Variants in BMPR1B observed in about 807,000 individuals in gnomAD.
The protein encoded by BMPR1B is bone morphogenetic protein receptor type 1B.
BMPR1B carries 12 observed loss-of-function variants against 59.1 expected under a neutral mutation model. That is an observed-to-expected ratio of 0.20 (90% CI 0.13 to 0.33). The LOEUF (loss-of-function observed/expected upper bound fraction) is 0.33. Ranked by LOEUF, BMPR1B falls within the 10% of genes least tolerant of loss-of-function variation. The pLI, the probability that BMPR1B is intolerant of heterozygous loss-of-function variation, is 1.00. For missense variants in BMPR1B, 550 were observed against 610.9 expected, an observed-to-expected ratio of 0.90 and a Z score of 1.05; for synonymous variants, 237 against 207.3, an observed-to-expected ratio of 1.14 and a Z score of -1.23.
chr4:95,045,190 C>G (rs1427364986), intron 3 of BMPR1B, among the ~76,000 whole-genome samples: 1 of 152,038 alleles, frequency 6.6e-6, no homozygotes, highest in African/African-American at 2.4e-5. Context: ...TAACACTCAC[C>G]TTATTGTTCT....
chr4:94,769,294 G>C (rs945625694), intron 1 of BMPR1B, among the ~76,000 whole-genome samples: 1 of 152,214 alleles, frequency 6.6e-6, no homozygotes, highest in Non-Finnish European at 1.5e-5. Flanking sequence ...ATCTAGTCCT[G>C]CTCTAAAGAG....
At position 95,156,639 on chromosome 4, in the gene BMPR1B, G is replaced by A. The variant is rs752977059; in HGVS notation, c.*1966G>A. 5.3e-5 allele frequency: 8 copies of A among 150,714 alleles called. No individual in the cohort carries two copies. Among genetic ancestry groups the A allele is most frequent in the South Asian group, 2.1e-4 (1 of 4,754 alleles). 9.3% of individuals were successfully genotyped at this position (150,714 alleles called of 1,614,324 possible). ...TTTGTAACTAAGACAGAAGAATTTCGTAATCCTTGAAATTGAAAAAAAAAA... is the reference window on the plus strand; with the variant it reads ...TTTGTAACTAAGACAGAAGAATTTCATAATCCTTGAAATTGAAAAAAAAAA... On this transcript the variant is annotated 3_prime_UTR_variant, in exon 13 of 13. Coordinates refer to ENST00000515059, the MANE Select transcript of BMPR1B (RefSeq NM_001203.3).
chr4:94,945,760 A>T (rs949930750), intron 2 of BMPR1B, among the ~76,000 whole-genome samples: 6 of 152,226 alleles, frequency 3.9e-5, no homozygotes, highest in Admixed American at 1.3e-4. Context: ...CATATAAGTT[A>T]TATTTTTGTG....
chr4:94,891,837 T>G (rs1560534580), intron 2 of BMPR1B, among the ~76,000 whole-genome samples: 1 of 152,078 alleles, frequency 6.6e-6, no homozygotes, highest in African/African-American at 2.4e-5. Context: ...TTTGCCTGTT[T>G]GTTTATTCAT....
chr4:94,865,515 C>T (rs1182703895), intron 1 of BMPR1B, among the ~76,000 whole-genome samples: 1 of 152,040 alleles, frequency 6.6e-6, no homozygotes, highest in African/African-American at 2.4e-5. Context: ...CTCAGCCTCC[C>T]GAGTAGCTGG....
Position 94,856,904 on chromosome 4 carries a change from A to G in BMPR1B, c.-182-18927A>G, listed in dbSNP as rs371344411. Among the ~76,000 whole-genome samples, 7 of 152,376 alleles carry G rather than the reference A, an allele frequency of 4.6e-5. No individual in the cohort carries two copies. In the South Asian group the frequency reaches 1.0e-3, roughly 23 times the overall value. ...TTTAGCATAACAGAAGGTAGAAGATATGATATTTATGAAACTTCAGCAAAG... is the reference window on the plus strand; with the variant it reads ...TTTAGCATAACAGAAGGTAGAAGATGTGATATTTATGAAACTTCAGCAAAG... On this transcript the variant is annotated intron_variant, in intron 1 of 12. Transcript: ENST00000515059.
At chr4:94,796,729 T>C (rs1026533581) in intron 1 of BMPR1B, among the ~76,000 whole-genome samples, 7 of 152,170 alleles carry the variant, frequency 4.6e-5, no homozygotes, top group African/African-American at 1.2e-4. Context: ...TTGCTGAGCT[T>C]CCTCAAGTTT....
intron 3 of BMPR1B, among the ~76,000 whole-genome samples, chr4:94,998,375 C>CT (rs11327811): frequency 1.7e-4 from 24 of 138,060 alleles, no homozygotes; most frequent in African/African-American, 5.2e-4. Flanking sequence ...TACACTACTC[C>CT]TTTTTTTTTT....
At chr4:95,112,291 C>T (rs1163975682) in intron 4 of BMPR1B, among the ~76,000 whole-genome samples, 1 of 151,980 alleles carries the variant, frequency 6.6e-6, no homozygotes. Context: ...AATCTCTATA[C>T]AAAACTAAGC....
At chr4:94,999,693 G>C (rs545779952) in intron 3 of BMPR1B, among the ~76,000 whole-genome samples, 4 of 152,174 alleles carry the variant, frequency 2.6e-5, no homozygotes, top group Non-Finnish European at 2.9e-5. Flanking sequence ...GGCCCAGAGA[G>C]AGCTTCAGGA....
chr4:95,051,406 C>T (rs988953337), intron 3 of BMPR1B, among the ~76,000 whole-genome samples: 1 of 152,132 alleles, frequency 6.6e-6, no homozygotes, highest in Non-Finnish European at 1.5e-5. Context: ...GAAGCCCCGG[C>T]GTGTGCTAGC....
intron 2 of BMPR1B, among the ~76,000 whole-genome samples, chr4:94,918,952 A>G (rs11943147): frequency 0.031 from 4,686 of 152,142 alleles, 141 homozygotes; most frequent in African/African-American, 0.078. Flanking sequence ...GGCTTTATAC[A>G]AAGTTTAAAC....
intron 1 of BMPR1B, among the ~76,000 whole-genome samples, chr4:94,779,261 AT>A (rs1722501174): frequency 6.6e-6 from 1 of 152,004 alleles, no homozygotes; most frequent in Non-Finnish European, 1.5e-5. Context: ...GAATGTATCT[AT>A]CCTTTCATTC....
At chr4:94,916,040 A>G (rs141342969) in intron 2 of BMPR1B, among the ~76,000 whole-genome samples, 1 of 152,286 alleles carries the variant, frequency 6.6e-6, no homozygotes, top group Non-Finnish European at 1.5e-5. Flanking sequence ...GAGGCCTCCC[A>G]AGAAGTCAAG....
At chr4:94,939,350 ATAAT>A (rs1280425909) in intron 2 of BMPR1B, among the ~76,000 whole-genome samples, 4 of 152,214 alleles carry the variant, frequency 2.6e-5, no homozygotes, top group South Asian at 2.1e-4. Flanking sequence ...TAAAATCAGG[ATAAT>A]TAAAGTCTTC....
At chr4:95,073,283 G>A (rs1220336486) in intron 3 of BMPR1B, among the ~76,000 whole-genome samples, 1 of 152,104 alleles carries the variant, frequency 6.6e-6, no homozygotes, top group Non-Finnish European at 1.5e-5. Flanking sequence ...GCATCTCCCC[G>A]GTTTTGGCAA....
chr4:94,820,994 T>C (rs1724187703), intron 1 of BMPR1B, among the ~76,000 whole-genome samples: 1 of 152,206 alleles, frequency 6.6e-6, no homozygotes, highest in Non-Finnish European at 1.5e-5. Context: ...CCATTGCTGT[T>C]CCTTAGATTT....
At chr4:94,787,350 A>AATATTTTAAGC (rs1318497317) in intron 1 of BMPR1B, among the ~76,000 whole-genome samples, 7 of 152,244 alleles carry the variant, frequency 4.6e-5, no homozygotes, top group African/African-American at 1.4e-4. Context: ...TGGCTTATTA[A>AATATTTTAAGC]ATATTTTAAG....
intron 3 of BMPR1B, among the ~76,000 whole-genome samples, chr4:95,000,341 C>CT (rs1722350770): frequency 6.6e-6 from 1 of 151,990 alleles, no homozygotes; most frequent in South Asian, 2.1e-4. Flanking sequence ...CAATTTGGAA[C>CT]TTTTTTTCAG....
Sources: allele counts gnomAD v4.1 joint callset (sites outside exome capture counted in the v4.1 genomes callset), GRCh38; gene constraint gnomAD v4.1.1; transcripts MANE v1.5; gene names NCBI Gene and HGNC (gene_info 2026-07-23, HGNC 2026-07-21).